The following NAALADL2 variants were observed in gnomAD, a reference collection of about 807,000 sequenced individuals.
The protein encoded by NAALADL2 is inactive N-acetylated-alpha-linked acidic dipeptidase-like protein 2.
A neutral mutation model predicts 87.2 loss-of-function variants in NAALADL2; 76 were observed. The ratio of observed to expected loss-of-function variants is 0.87; its 90% CI spans 0.72 to 1.05. The LOEUF is 1.05. NAALADL2 is among the 50% of genes least tolerant of loss of function. The pLI, the probability that NAALADL2 is intolerant of heterozygous loss-of-function variation, is 0.00. For synonymous variants in NAALADL2, 354 were observed against 331.0 expected, an observed-to-expected ratio of 1.07 and a Z score of -0.75; for missense variants, 1,089 against 945.8, an observed-to-expected ratio of 1.15 and a Z score of -1.99.
intron 2 of NAALADL2, among the ~76,000 whole-genome samples, chr3:174,716,262 C>G (rs557549692): frequency 6.6e-6 from 1 of 152,206 alleles, no homozygotes; most frequent in South Asian, 2.1e-4. Context: ...TTTGACCAGC[C>G]AGATCAGCCA....
chr3:174,893,484 TACA>T (rs1350624834), intron 1 of NAALADL2, among the ~76,000 whole-genome samples: 1 of 152,056 alleles, frequency 6.6e-6, no homozygotes, highest in African/African-American at 2.4e-5. Context: ...AAATAATAGC[TACA>T]ACAACTTTTC....
At chr3:175,167,132 G>A (rs1046849365) in intron 2 of NAALADL2, among the ~76,000 whole-genome samples, 1 of 151,956 alleles carries the variant, frequency 6.6e-6, no homozygotes, top group African/African-American at 2.4e-5. Flanking sequence ...TAAACAGATG[G>A]TAAACATTTT....
intron 1 of NAALADL2, among the ~76,000 whole-genome samples, chr3:175,093,204 C>G (rs1720467584): frequency 6.6e-6 from 1 of 151,424 alleles, no homozygotes; most frequent in Non-Finnish European, 1.5e-5. Flanking sequence ...GAATATTTGT[C>G]TTTAAATATA....
chr3:175,611,306 A>G (rs1237401532), intron 10 of NAALADL2, among the ~76,000 whole-genome samples: 1 of 152,132 alleles, frequency 6.6e-6, no homozygotes, highest in Non-Finnish European at 1.5e-5. Context: ...TATAAATGTG[A>G]AATTTGCTCA....
intron 2 of NAALADL2, among the ~76,000 whole-genome samples, chr3:174,670,311 C>T (rs911392719): frequency 6.6e-6 from 1 of 152,026 alleles, no homozygotes; most frequent in East Asian, 1.9e-4. Flanking sequence ...CCTTCACATA[C>T]ACCCATTATT....
intron 1 of NAALADL2, among the ~76,000 whole-genome samples, chr3:174,466,221 G>T (rs1716523983): frequency 6.6e-6 from 1 of 151,988 alleles, no homozygotes; most frequent in African/African-American, 2.4e-5. Flanking sequence ...GCCCAAGACG[G>T]CTTTGAATGT....
intron 2 of NAALADL2, among the ~76,000 whole-genome samples, chr3:175,162,915 C>G (rs1733449878): frequency 6.6e-6 from 1 of 152,044 alleles, no homozygotes; most frequent in African/African-American, 2.4e-5. Flanking sequence ...TATATAATCT[C>G]TGACTCTTTA....
chr3:175,459,893 A>T (rs573499869), intron 6 of NAALADL2, among the ~76,000 whole-genome samples: 2 of 152,314 alleles, frequency 1.3e-5, no homozygotes, highest in South Asian at 4.1e-4. Flanking sequence ...TTTAATCATT[A>T]CGTATATCTC....
At chr3:175,265,728 A>G (rs578101002) in intron 4 of NAALADL2, among the ~76,000 whole-genome samples, 24 of 151,680 alleles carry the variant, frequency 1.6e-4, no homozygotes, top group South Asian at 4.1e-4. Flanking sequence ...TGCCCAACGT[A>G]TATGGTTTTG....
intron 9 of NAALADL2, among the ~76,000 whole-genome samples, chr3:175,557,356 A>G (rs1286658271): frequency 6.6e-6 from 1 of 152,210 alleles, no homozygotes; most frequent in African/African-American, 2.4e-5. Flanking sequence ...CAGGGTAAAT[A>G]GGATATCCAT....
At chr3:175,031,584 G>A (rs1166919371) in intron 1 of NAALADL2, among the ~76,000 whole-genome samples, 3 of 152,038 alleles carry the variant, frequency 2.0e-5, no homozygotes, top group Admixed American at 2.0e-4. Flanking sequence ...AAACATACAA[G>A]TGCATGTTTC....
intron 2 of NAALADL2, chr3:175,124,736 A>T (rs1726677221): frequency 6.6e-6 from 1 of 152,096 alleles, no homozygotes; most frequent in African/African-American, 2.4e-5. Context: ...TGATAGAATA[A>T]GAATATATCA....
chr3:175,384,298 T>C (rs1282931171), intron 5 of NAALADL2, among the ~76,000 whole-genome samples: 2 of 152,004 alleles, frequency 1.3e-5, no homozygotes, highest in South Asian at 2.1e-4. Context: ...GGCAAAAGGC[T>C]TTTGCTGGTA....
rs116674164 is a variant in NAALADL2, at chr3:175,568,828, T to C, written c.1654-7213T>C. On this transcript the variant is annotated intron_variant, in intron 9 of 13. Coordinates refer to ENST00000454872, the MANE Select transcript of NAALADL2 (RefSeq NM_207015.3). ...GGCTTTTTAAAATTAACACATTAAA[T>C]GACAAAAGTCAGCAAAGTGTCTCAT... Among the ~76,000 whole-genome samples the C allele has an allele frequency of 5.3e-3, 815 of 152,342 alleles. 6 individuals are homozygous for C. Among genetic ancestry groups the C allele is most frequent in the African/African-American group, 0.016 (651 of 41,586 alleles).
chr3:175,165,740 TG>T (rs1296246894), intron 2 of NAALADL2, among the ~76,000 whole-genome samples: 1 of 152,164 alleles, frequency 6.6e-6, no homozygotes, highest in African/African-American at 2.4e-5. Context: ...TACCCTGTCA[TG>T]GGATGTACAT....
chr3:174,445,664 A>G (rs2108262328), intron 1 of NAALADL2, among the ~76,000 whole-genome samples: 1 of 152,290 alleles, frequency 6.6e-6, no homozygotes, highest in East Asian at 1.9e-4. Context: ...TGCACATATG[A>G]TGTAACTATA....
intron 2 of NAALADL2, among the ~76,000 whole-genome samples, chr3:174,552,074 G>T (rs991726628): frequency 2.0e-5 from 3 of 152,148 alleles, no homozygotes; most frequent in African/African-American, 7.2e-5. Context: ...GTGCCTTGTG[G>T]ATACTAATCG....
chr3:175,782,557 G>GT (rs963800879), intron 13 of NAALADL2, among the ~76,000 whole-genome samples: 2 of 143,262 alleles, frequency 1.4e-5, no homozygotes, highest in Non-Finnish European at 3.0e-5. Flanking sequence ...GGGGTTGTTT[G>GT]TTTTTTTCTT....
At chr3:175,459,487 C>G (rs1056921720) in intron 6 of NAALADL2, among the ~76,000 whole-genome samples, 2 of 141,482 alleles carry the variant, frequency 1.4e-5, no homozygotes, top group Non-Finnish European at 3.1e-5. Context: ...GTTCTAGAAA[C>G]AATATTAGAA....
Sources: gnomAD v4.1 joint callset for allele counts (sites outside exome capture counted in the v4.1 genomes callset) on GRCh38, gnomAD v4.1.1 for gene constraint, MANE v1.5 for transcripts, NCBI Gene and HGNC (gene_info 2026-07-23, HGNC 2026-07-21) for gene names.